NUP153: variants seen among roughly 807,000 people sequenced by gnomAD.
NUP153 encodes nuclear pore complex protein Nup153.
NUP153 carries 27 observed loss-of-function variants against 134.6 expected under a neutral mutation model. The observed-to-expected ratio is 0.20, with a 90% CI of 0.15 to 0.28. NUP153 has a LOEUF of 0.28. Among genes scored for constraint, NUP153 ranks in the 10% least tolerant of loss-of-function variants. NUP153 has a pLI of 1.00. For synonymous variants in NUP153, 640 were observed against 623.5 expected (o/e 1.03, Z -0.40); for missense variants, 1,821 against 1,731.3 (o/e 1.05, Z -0.92).
chr6:17,620,994 G>A (rs1379401632), intron 20 of NUP153, among the ~76,000 whole-genome samples: 1 of 151,934 alleles, frequency 6.6e-6, no homozygotes, highest in African/African-American at 2.4e-5. Context: ...AATACACAAT[G>A]AGCTCAAAGA....
intron 13 of NUP153, 129 bp downstream of exon 13, chr6:17,647,676 TAC>T (rs1166253954): frequency 3.3e-5 from 21 of 632,484 alleles, no homozygotes; most frequent in East Asian, 8.1e-5. Flanking sequence ...AAAAGTTTTT[TAC>T]ACAGAGTATT....
chr6:17,673,209 A>C (rs2113831885), intron 5 of NUP153, among the ~76,000 whole-genome samples: 1 of 152,292 alleles, frequency 6.6e-6, no homozygotes, highest in South Asian at 2.1e-4. Context: ...TCTCTACTAA[A>C]AATACAAAAA....
At chr6:17,676,099 C>T (rs1768207313) in intron 2 of NUP153, among the ~76,000 whole-genome samples, 1 of 152,150 alleles carries the variant, frequency 6.6e-6, no homozygotes, top group Non-Finnish European at 1.5e-5. Flanking sequence ...TAACTTCTGC[C>T]TTATAGTCCT....
intron 16 of NUP153, 36 bp from the exon 17 acceptor site, chr6:17,632,880 A>C (rs1765335068): frequency 2.7e-6 from 4 of 1,470,922 alleles, no homozygotes; most frequent in Admixed American, 2.3e-5. Context: ...GTGGGGGGAG[A>C]TTTCATGAAA....
At chr6:17,645,839 C>G (rs1766140661) in intron 14 of NUP153, among the ~76,000 whole-genome samples, 2 of 152,184 alleles carry the variant, frequency 1.3e-5, no homozygotes, top group Non-Finnish European at 2.9e-5. Flanking sequence ...CCATGCCTAT[C>G]TCTCTCAAAA....
Position 17,625,981 on chromosome 6 carries a change from G to A in NUP153, c.3728C>T (p.Thr1243Ile), listed in dbSNP as rs1280938259. ...AGACTGAGAGGTGCTGGATTCAGCA[G>A]TGTTACCAAAGGCAGAGCTGCTCAC... ...NPVSSSAFGN[T>I]AESSTSQSLL... is the part of the protein sequence containing the mutation. The change falls in exon 19 of 22, where the codon ACT becomes ATT. Residue 1243 changes from threonine (T) to isoleucine (I), a missense_variant. By Grantham distance (89) the Thr-to-Ile change is moderately conservative. Transcript: ENST00000262077. The surrounding 1 kb of genome is among the most constrained non-coding windows in gnomAD (Gnocchi z 4.7). 5.6e-6 allele frequency: 9 copies of A among 1,614,192 alleles called. No individual in the cohort carries two copies. The highest frequency in any genetic ancestry group is 7.6e-6 in the Non-Finnish European group (9 of 1,180,032).
chr6:17,687,289 A>G lies in NUP153; in HGVS notation c.334+1107T>C, dbSNP rs373664481. 2.0e-5 allele frequency among the ~76,000 whole-genome samples: 3 copies of G among 152,278 alleles called. No homozygotes were observed. The East Asian group carries it at 5.8e-4, about 29-fold the overall frequency. On this transcript the variant is annotated intron_variant, in intron 2 of 21. Coordinates refer to ENST00000262077, the MANE Select transcript of NUP153 (RefSeq NM_005124.4). ...AGAACTCTCTAACCAAAAGGAAACA[A>G]ATCTCATAACCAGGAAACAGAGGGG... is the stretch of plus-strand genomic sequence containing the variant.
chr6:17,684,687 C>A (rs1407449500), intron 2 of NUP153, among the ~76,000 whole-genome samples: 1 of 152,208 alleles, frequency 6.6e-6, no homozygotes, highest in Non-Finnish European at 1.5e-5. Context: ...TGTCCACATG[C>A]CTTCCTCACT....
rs1306897108 is a variant in NUP153, at chr6:17,649,259, G to C, written c.1437C>G (p.Ile479Met). 2.5e-6 allele frequency: 4 copies of C among 1,613,588 alleles called. No homozygotes were observed. The highest frequency in any genetic ancestry group is 1.6e-4 in the Middle Eastern group (1 of 6,084). ...VPVLPKISLP[I>M]TSSSLPTFNF... ...TAAAGGTAGGCAGTGAAGAACTGGT[G>C]ATCGGTAGAGAGATTTTCGGTAATA... The change falls in exon 12 of 22, where the codon ATC (isoleucine) becomes ATG (methionine). Residue 479 changes from isoleucine to methionine, a missense_variant. By Grantham distance (10) the Ile-to-Met change is conservative (BLOSUM62 1). Transcript: ENST00000262077.
chr6:17,632,756 G>C lies in NUP153; in HGVS notation c.2553C>G (p.Pro851=), dbSNP rs182162021. 18 of 1,609,570 alleles carry C rather than the reference G, an allele frequency of 1.1e-5. No homozygotes were observed. The Admixed American group carries it at 2.0e-4, about 18-fold the overall frequency. The change falls in exon 17 of 22, where the codon CCC becomes CCG. Residue 851 remains proline (P), a synonymous_variant. Coordinates refer to ENST00000262077, the MANE Select transcript of NUP153 (RefSeq NM_005124.4). ...GSLGLEKFKK[P]EGSWDCELCL... Reference sequence around the variant, plus strand: ...ACAATTCACAGTCCCAGCTTCCCTCGGGTTTCTTGAACTTTTCCAATCCTA... The same window carrying C: ...ACAATTCACAGTCCCAGCTTCCCTCCGGTTTCTTGAACTTTTCCAATCCTA...
At position 17,640,191 on chromosome 6, in the gene NUP153, A is replaced by G; in HGVS notation, c.1721-127T>C. 6 of 675,992 alleles carry G rather than the reference A, an allele frequency of 8.9e-6. No individual in the cohort carries two copies. The African/African-American group carries it at 1.1e-4, about 13-fold the overall frequency. 41.9% of individuals were successfully genotyped at this position (675,992 alleles called of 1,614,324 possible). On this transcript the variant is annotated intron_variant, in intron 14 of 21. Coordinates refer to ENST00000262077, the MANE Select transcript of NUP153 (RefSeq NM_005124.4). ...AAAAGTTCATGAAAAAAGTCACTTT[A>G]ATTCAATAAACAAATGACTTTACAG...
chr6:17,666,664 A>G (rs1364386389), intron 8 of NUP153, among the ~76,000 whole-genome samples: 1 of 152,242 alleles, frequency 6.6e-6, no homozygotes, highest in Non-Finnish European at 1.5e-5. Flanking sequence ...ATCACTGTTA[A>G]GACTTCCAAA....
chr6:17,639,875 C>A (rs1163210624), intron 15 of NUP153, 64 bp downstream of exon 15: 5 of 1,471,886 alleles, frequency 3.4e-6, no homozygotes, highest in African/African-American at 1.4e-5. Context: ...AAGTATAATA[C>A]AAAATGACAT....
intron 18 of NUP153, among the ~76,000 whole-genome samples, chr6:17,626,591 A>G (rs1764961563): frequency 6.6e-6 from 1 of 152,264 alleles, no homozygotes; most frequent in Non-Finnish European, 1.5e-5. Flanking sequence ...AGCATCAACT[A>G]GTACAGCCTT....
intron 20 of NUP153, among the ~76,000 whole-genome samples, chr6:17,620,487 A>C (rs1764595924): frequency 6.6e-6 from 1 of 152,180 alleles, no homozygotes; most frequent in South Asian, 2.1e-4. Context: ...TACAAAAATC[A>C]ACTCAAAATG....
chr6:17,671,992 A>G (rs1481148693), intron 5 of NUP153, among the ~76,000 whole-genome samples: 1 of 152,112 alleles, frequency 6.6e-6, no homozygotes, highest in East Asian at 1.9e-4. Context: ...TGGGCAACAG[A>G]GCAAGATCCC....
Position 17,626,023 on chromosome 6 carries a change from C to T in NUP153, c.3686G>A (p.Gly1229Glu). 6.2e-7 allele frequency: 1 copy of T among 1,614,136 alleles called. No individual in the cohort carries two copies. The highest frequency in any genetic ancestry group is 8.5e-7 in the Non-Finnish European group (1 of 1,180,030). Residue 1229 changes from glycine to glutamate, a missense_variant, in exon 19 of 22, where the codon GGA becomes GAA. Physicochemically the swap from Gly to Glu is moderately conservative, Grantham distance 98. Transcript: ENST00000262077. ...GCTGCTCACAGGATTGCTGGACTGT[C>T]CAAACACAAAGGTAGCCACAGGTGG... is the stretch of plus-strand genomic sequence containing the variant. ...SNPPVATFVF[G>E]QSSNPVSSSA...
At chr6:17,672,857 CTT>C (rs1340144894) in intron 5 of NUP153, among the ~76,000 whole-genome samples, 1 of 152,010 alleles carries the variant, frequency 6.6e-6, no homozygotes, top group Non-Finnish European at 1.5e-5. Context: ...TAAAATGAAC[CTT>C]GACCAATACC....
At chr6:17,643,356 C>T (rs896122099) in intron 14 of NUP153, among the ~76,000 whole-genome samples, 1 of 152,146 alleles carries the variant, frequency 6.6e-6, no homozygotes. Context: ...CCTGTAATCA[C>T]AGCTACTCGG....
Sources: allele counts gnomAD v4.1 joint callset (sites outside exome capture counted in the v4.1 genomes callset), GRCh38; gene constraint gnomAD v4.1.1; non-coding constraint Gnocchi (gnomAD v3.1); transcripts MANE v1.5; gene names NCBI Gene and HGNC (gene_info 2026-07-23, HGNC 2026-07-21).